The following CADPS2 variants were observed in gnomAD, a reference collection of about 807,000 sequenced individuals.
CADPS2 encodes the protein calcium dependent secretion activator 2.
Under a neutral mutation model 172.5 loss-of-function variants are expected in CADPS2, and 93 were observed. The observed-to-expected ratio is 0.54, with a 90% confidence interval of 0.46 to 0.64. CADPS2 has a LOEUF of 0.64. Ranked by LOEUF, CADPS2 falls within the 30% of genes least tolerant of loss-of-function variation. The probability of loss-of-function intolerance (pLI) is 0.00; values close to 1 mark genes in which losing one functional copy is unlikely to be tolerated. For missense variants in CADPS2, 1,420 were observed against 1,565.9 expected (o/e 0.91, Z 1.57); for synonymous variants, 546 against 555.2 (o/e 0.98, Z 0.23).
intron 5 of CADPS2, 147 bp downstream of exon 5, chr7:122,621,334 T>G: frequency 1.7e-6 from 1 of 597,760 alleles, no homozygotes; most frequent in Non-Finnish European, 2.9e-6. Flanking sequence ...ATATATAAGC[T>G]GAGTGTCCAA....
chr7:122,789,161 G>A (rs1039107168), intron 1 of CADPS2, among the ~76,000 whole-genome samples: 1 of 152,136 alleles, frequency 6.6e-6, no homozygotes, highest in African/African-American at 2.4e-5. Flanking sequence ...GAGGTGAAGG[G>A]AATGTCAGCA....
At chr7:122,855,192 G>A (rs190774886) in intron 1 of CADPS2, among the ~76,000 whole-genome samples, 1 of 152,296 alleles carries the variant, frequency 6.6e-6, no homozygotes, top group African/African-American at 2.4e-5. Context: ...CATTTCTTTA[G>A]TATAGTAGTA....
rs2034293105 is a variant in CADPS2, at chr7:122,328,276, C to T, written c.3613-2695G>A. Among the ~76,000 whole-genome samples, 2 of 152,134 alleles carry T rather than the reference C, an allele frequency of 1.3e-5. 1 individual carries two copies. ...CTTTTGAGTACTGAATATGGTAGGT[C>T]CCATTTTCTCACACTGAGAAAAAAG... On this transcript the variant is annotated intron_variant, in intron 28 of 29. Coordinates refer to ENST00000449022, the MANE Select transcript of CADPS2 (RefSeq NM_017954.11).
intron 3 of CADPS2, among the ~76,000 whole-genome samples, chr7:122,631,635 CAACAA>C (rs1197867722): frequency 5.9e-5 from 9 of 151,776 alleles, no homozygotes; most frequent in East Asian, 3.9e-4. Flanking sequence ...AAAAAGTAAG[CAACAA>C]AACAAAACAA....
chr7:122,516,578 T>C (rs2060393896), intron 8 of CADPS2, among the ~76,000 whole-genome samples: 1 of 151,954 alleles, frequency 6.6e-6, no homozygotes, highest in African/African-American at 2.4e-5. Flanking sequence ...ATAAAAATGT[T>C]CATCAATATT....
intron 1 of CADPS2, among the ~76,000 whole-genome samples, chr7:122,820,542 G>GTTTTTTTTTTTTT: frequency 8.5e-6 from 1 of 117,802 alleles, no homozygotes; most frequent in Middle Eastern, 4.4e-3. Context: ...TGACCTTACT[G>GTTTTTTTTTTTTT]TTTTTTGTTT....
At chr7:122,671,430 A>G (rs1156750919) in intron 2 of CADPS2, among the ~76,000 whole-genome samples, 2 of 152,200 alleles carry the variant, frequency 1.3e-5, no homozygotes, top group African/African-American at 4.8e-5. Flanking sequence ...CACAAAGAAT[A>G]ACATCACAGA....
chr7:122,377,502 A>T (rs2042495165), intron 25 of CADPS2, among the ~76,000 whole-genome samples: 1 of 152,114 alleles, frequency 6.6e-6, no homozygotes. Context: ...GATTATGCAA[A>T]CTTCTCACAA....
rs1468357178 is a variant in CADPS2, at chr7:122,451,456, C to T, written c.2206G>A (p.Val736Ile). The T allele has an allele frequency of 5.1e-6, 8 of 1,581,982 alleles. No individual in the cohort carries two copies. The highest frequency in any genetic ancestry group is 6.0e-6 in the Non-Finnish European group (7 of 1,162,556). ...HGNRPDGIGT[V>I]SVEEKERFEE... ...AATCTTTCTTTTTCTTCCACTGAAA[C>T]AGTCCCAATTCCATCAGGCCTGAAA... Residue 736 changes from valine (V) to isoleucine (I), a missense_variant, in exon 15 of 30, where the codon GTT becomes ATT. Val to Ile is a conservative substitution (Grantham distance 29). Coordinates refer to ENST00000449022, the MANE Select transcript of CADPS2 (RefSeq NM_017954.11).
chr7:122,522,776 A>G (rs76645475), intron 8 of CADPS2, among the ~76,000 whole-genome samples: 14,167 of 134,220 alleles, frequency 0.11, 762 homozygotes, highest in African/African-American at 0.16. Context: ...TCTAACTTCT[A>G]TCTCCACAGA....
intron 20 of CADPS2, among the ~76,000 whole-genome samples, chr7:122,405,252 T>C (rs2046503661): frequency 6.6e-6 from 1 of 152,212 alleles, no homozygotes; most frequent in South Asian, 2.1e-4. Flanking sequence ...CTTAAGATAA[T>C]ATTAAAAACC....
At chr7:122,827,270 T>C (rs1011124571) in intron 1 of CADPS2, among the ~76,000 whole-genome samples, 2 of 152,146 alleles carry the variant, frequency 1.3e-5, no homozygotes, top group Non-Finnish European at 2.9e-5. Context: ...ACTAAGGAAA[T>C]TGAAATTTAA....
rs547745289 is a variant in CADPS2, at chr7:122,371,007, G to A, written c.3387+8361C>T. Among the ~76,000 whole-genome samples, 8 of 152,288 alleles carry A rather than the reference G, an allele frequency of 5.3e-5. No homozygotes were observed. In the South Asian group the frequency reaches 1.2e-3, roughly 24 times the overall value. On this transcript the variant is annotated intron_variant, in intron 25 of 29. Coordinates refer to ENST00000449022, the MANE Select transcript of CADPS2 (RefSeq NM_017954.11). ...AATAAAGGGCCCCAGGACAGGTTAA[G>A]TGTAGGAACACTGCACTCTCAAACA... is the stretch of plus-strand genomic sequence containing the variant.
chr7:122,642,611 T>A (rs961207887), intron 3 of CADPS2, among the ~76,000 whole-genome samples: 1 of 150,300 alleles, frequency 6.7e-6, no homozygotes, highest in Admixed American at 6.7e-5. Flanking sequence ...ACTATGAACA[T>A]CAAAAACTTG....
chr7:122,497,826 C>A (rs1021136598), intron 9 of CADPS2, among the ~76,000 whole-genome samples: 1 of 152,070 alleles, frequency 6.6e-6, no homozygotes, highest in Non-Finnish European at 1.5e-5. Flanking sequence ...CTTACTCAGG[C>A]GTAATGGTTT....
At chr7:122,385,296 T>G (rs1031722779) in intron 24 of CADPS2, among the ~76,000 whole-genome samples, 22 of 143,212 alleles carry the variant, frequency 1.5e-4, no homozygotes, top group Admixed American at 1.3e-3. Flanking sequence ...TATAAATACA[T>G]TTTTTTTTCT....
intron 13 of CADPS2, among the ~76,000 whole-genome samples, chr7:122,471,842 A>T (rs1198453565): frequency 6.6e-6 from 1 of 152,186 alleles, no homozygotes; most frequent in African/African-American, 2.4e-5. Context: ...TATTCATAGG[A>T]TCTAAATTAT....
At chr7:122,688,167 A>G (rs1224676605) in intron 2 of CADPS2, among the ~76,000 whole-genome samples, 1 of 152,214 alleles carries the variant, frequency 6.6e-6, no homozygotes, top group East Asian at 1.9e-4. Context: ...CCTCTTCTGT[A>G]TCCATGGTGT....
chr7:122,486,840 C>A (rs2057861672), intron 11 of CADPS2, among the ~76,000 whole-genome samples: 1 of 152,100 alleles, frequency 6.6e-6, no homozygotes, highest in Non-Finnish European at 1.5e-5. Context: ...CAACAACCAG[C>A]AACCTGATCG....
Sources: allele counts gnomAD v4.1 joint callset (sites outside exome capture counted in the v4.1 genomes callset), GRCh38; gene constraint gnomAD v4.1.1; transcripts MANE v1.5; gene names NCBI Gene and HGNC (gene_info 2026-07-23, HGNC 2026-07-21).